PLCB1: variants seen among roughly 807,000 people sequenced by gnomAD.
PLCB1 encodes the protein phospholipase C beta 1, also known as 1-phosphatidylinositol 4,5-bisphosphate phosphodiesterase beta-1.
Under a neutral mutation model 161.8 loss-of-function variants are expected in PLCB1, and 46 were observed. That is an observed-to-expected ratio of 0.28 (90% CI 0.22 to 0.36). The LOEUF (loss-of-function observed/expected upper bound fraction) is 0.36, where lower values mean the gene tolerates loss of function less well. PLCB1 is among the 10% of genes least tolerant of loss of function. The probability of loss-of-function intolerance (pLI) is 1.00; values close to 1 mark genes in which losing one functional copy is unlikely to be tolerated. For synonymous variants in PLCB1, 517 were observed against 503.7 expected (o/e 1.03, Z -0.35); for missense variants, 1,016 against 1,472.5 (o/e 0.69, Z 5.07).
chr20:8,648,353 G>A (rs536316892), intron 6 of PLCB1, among the ~76,000 whole-genome samples: 1 of 152,244 alleles, frequency 6.6e-6, no homozygotes, highest in South Asian at 2.1e-4. Context: ...GCCAGGCAGG[G>A]AATGTAAATG....
At chr20:8,777,718 C>CAA (rs36103446) in intron 27 of PLCB1, among the ~76,000 whole-genome samples, 91 of 135,932 alleles carry the variant, frequency 6.7e-4, no homozygotes, top group African/African-American at 2.4e-3. Flanking sequence ...GACTCCATCT[C>CAA]AAAAAAAAAA....
intron 2 of PLCB1, among the ~76,000 whole-genome samples, chr20:8,220,746 G>A (rs774496016): frequency 3.9e-5 from 6 of 152,182 alleles, no homozygotes; most frequent in Non-Finnish European, 8.8e-5. Context: ...ATAAATGTCT[G>A]TTGTTCAAAG....
intron 3 of PLCB1, among the ~76,000 whole-genome samples, chr20:8,488,038 A>G (rs949728176): frequency 1.3e-5 from 2 of 152,220 alleles, no homozygotes; most frequent in Non-Finnish European, 2.9e-5. Flanking sequence ...CATGGATTCA[A>G]TGAATTCCTC....
intron 2 of PLCB1, among the ~76,000 whole-genome samples, chr20:8,234,878 T>C (rs1243967323): frequency 1.3e-5 from 2 of 152,154 alleles, no homozygotes; most frequent in African/African-American, 2.4e-5. Context: ...CGGAATATAA[T>C]GCTTACTGGC....
chr20:8,413,917 A>G (rs1200980111), intron 3 of PLCB1, among the ~76,000 whole-genome samples: 1 of 152,176 alleles, frequency 6.6e-6, no homozygotes, highest in Non-Finnish European at 1.5e-5. Flanking sequence ...TCAATCAAGC[A>G]ATTCATGCTG....
Position 8,132,375 on chromosome 20 carries a change from G to A in PLCB1, c.-277G>A, listed in dbSNP as rs983464326. The A allele has an allele frequency of 2.3e-5, 6 of 264,664 alleles. No homozygotes were observed. The highest frequency in any genetic ancestry group is 4.2e-5 in the Non-Finnish European group (6 of 141,372). 16.4% of individuals were successfully genotyped at this position (264,664 alleles called of 1,614,324 possible). ...ACTGGCAGCCTCGGCTGACCGGCTC[G>A]GCTTCTCTTCGCCTTCCGAGGCTCC... is the stretch of plus-strand genomic sequence containing the variant. On this transcript the variant is annotated 5_prime_UTR_variant, in exon 1 of 32. Transcript: ENST00000338037. This position sits in a 1 kb window ranked among gnomAD's most constrained non-coding sequence, Gnocchi z 5.2.
At chr20:8,465,023 A>G (rs756359218) in intron 3 of PLCB1, among the ~76,000 whole-genome samples, 1 of 152,174 alleles carries the variant, frequency 6.6e-6, no homozygotes, top group Non-Finnish European at 1.5e-5. Flanking sequence ...TAATCATATT[A>G]TCATCTTCTT....
intron 9 of PLCB1, among the ~76,000 whole-genome samples, chr20:8,683,740 A>G (rs1456815132): frequency 6.6e-6 from 1 of 152,204 alleles, no homozygotes; most frequent in Non-Finnish European, 1.5e-5. Flanking sequence ...TACCTGTGTC[A>G]TATTTCTGCC....
chr20:8,378,726 A>G lies in PLCB1; in HGVS notation c.246+7276A>G, dbSNP rs1402003714. Among the ~76,000 whole-genome samples, 6 of 152,230 alleles carry G rather than the reference A, an allele frequency of 3.9e-5. No individual in the cohort carries two copies. In the South Asian group the frequency reaches 8.3e-4, roughly 21 times the overall value. ...TTTCTGTAACATGAAATCCTGTTTG[A>G]TATTTTACCCACAGTAGAACAGTAG... On this transcript the variant is annotated intron_variant, in intron 3 of 31. Coordinates refer to ENST00000338037, the MANE Select transcript of PLCB1 (RefSeq NM_015192.4).
intron 3 of PLCB1, among the ~76,000 whole-genome samples, chr20:8,590,189 A>G (rs1488929438): frequency 6.6e-6 from 1 of 152,186 alleles, no homozygotes; most frequent in African/African-American, 2.4e-5. Context: ...CTCAACTGAG[A>G]CATCCTTGAA....
At chr20:8,233,630 C>G (rs1980180367) in intron 2 of PLCB1, among the ~76,000 whole-genome samples, 1 of 152,016 alleles carries the variant, frequency 6.6e-6, no homozygotes, top group Admixed American at 6.6e-5. Flanking sequence ...TGAGCACATC[C>G]CTGTAACCAG....
chr20:8,569,071 T>C (rs1404843424), intron 3 of PLCB1, among the ~76,000 whole-genome samples: 1 of 152,234 alleles, frequency 6.6e-6, no homozygotes, highest in Non-Finnish European at 1.5e-5. Flanking sequence ...ATCTGGTTTG[T>C]AAGGGAGCTC....
intron 3 of PLCB1, among the ~76,000 whole-genome samples, chr20:8,505,539 G>T (rs1448869727): frequency 1.3e-5 from 2 of 152,190 alleles, no homozygotes; most frequent in Non-Finnish European, 2.9e-5. Flanking sequence ...TCAGTTTGGT[G>T]TTTGTTCCAA....
intron 15 of PLCB1, among the ~76,000 whole-genome samples, chr20:8,723,531 C>A (rs1372827207): frequency 6.6e-6 from 1 of 152,132 alleles, no homozygotes; most frequent in Non-Finnish European, 1.5e-5. Flanking sequence ...ATTAAAAACT[C>A]TATCAAAGTA....
chr20:8,833,091 A>T (rs1166268660), intron 31 of PLCB1, among the ~76,000 whole-genome samples: 1 of 152,142 alleles, frequency 6.6e-6, no homozygotes, highest in Non-Finnish European at 1.5e-5. Context: ...CAATGAGGAG[A>T]TTATCTTGGG....
At chr20:8,760,496 G>T (rs201014098) in intron 25 of PLCB1, 36 bp downstream of exon 25, 18 of 1,457,256 alleles carry the variant, frequency 1.2e-5, no homozygotes, top group Non-Finnish European at 1.7e-5. Flanking sequence ...GAATTAAGCA[G>T]CTCAGTGTTA....
intron 3 of PLCB1, among the ~76,000 whole-genome samples, chr20:8,391,482 G>A (rs1192042149): frequency 6.6e-6 from 1 of 152,004 alleles, no homozygotes; most frequent in East Asian, 1.9e-4. Flanking sequence ...AGTCATTGAA[G>A]CAAAATCCAA....
intron 2 of PLCB1, among the ~76,000 whole-genome samples, chr20:8,289,752 C>T (rs993967602): frequency 3.3e-5 from 5 of 152,278 alleles, no homozygotes; most frequent in East Asian, 1.9e-4. Flanking sequence ...CCAGGACACT[C>T]GGAATCTTGA....
intron 2 of PLCB1, among the ~76,000 whole-genome samples, chr20:8,348,325 T>C (rs1430493011): frequency 6.6e-6 from 1 of 152,158 alleles, no homozygotes; most frequent in Non-Finnish European, 1.5e-5. Context: ...ACCTTGTGAG[T>C]AATTGACCTT....
Sources: allele counts gnomAD v4.1 joint callset (sites outside exome capture counted in the v4.1 genomes callset), GRCh38; gene constraint gnomAD v4.1.1; non-coding constraint Gnocchi (gnomAD v3.1); transcripts MANE v1.5; gene names NCBI Gene and HGNC (gene_info 2026-07-23, HGNC 2026-07-21).